NOTCH2: variants seen among roughly 807,000 people sequenced by gnomAD.
The protein encoded by NOTCH2 is neurogenic locus notch homolog protein 2.
NOTCH2 carries 29 observed loss-of-function variants against 235.8 expected under a neutral mutation model. The ratio of observed to expected loss-of-function variants is 0.12; its 90% confidence interval spans 0.09 to 0.17. The LOEUF (loss-of-function observed/expected upper bound fraction) is 0.17. NOTCH2 is among the 10% of genes least tolerant of loss of function. The probability of loss-of-function intolerance (pLI) is 1.00; values close to 1 mark genes in which losing one functional copy is unlikely to be tolerated. For synonymous variants in NOTCH2, 1,086 were observed against 1,141.5 expected (o/e 0.95, Z 0.98); for missense variants, 2,285 against 3,150.2 (o/e 0.73, Z 6.57).
intron 22 of NOTCH2, among the ~76,000 whole-genome samples, chr1:119,931,101 TTAAA>T (rs1255912306): frequency 1.4e-5 from 2 of 138,296 alleles, no homozygotes; most frequent in Non-Finnish European, 3.0e-5. Flanking sequence ...AGACTCTGTC[TTAAA>T]AAAAAAAAAA....
At chr1:119,925,233 AG>A (rs1649434358) in intron 25 of NOTCH2, 71 bp downstream of exon 25, 1 of 1,593,272 alleles carries the variant, frequency 6.3e-7, no homozygotes, top group African/African-American at 1.3e-5. Flanking sequence ...TGGAGTGGTT[AG>A]GAGCAAGAAC....
intron 5 of NOTCH2, among the ~76,000 whole-genome samples, chr1:119,970,570 G>C (rs898958057): frequency 3.3e-5 from 5 of 152,198 alleles, no homozygotes; most frequent in Non-Finnish European, 7.3e-5. Flanking sequence ...ACTAAAGGAA[G>C]CTAAACATGA....
chr1:120,069,045 C>A (rs782706254), intron 1 of NOTCH2: 12 of 1,439,020 alleles, frequency 8.3e-6, no homozygotes, highest in South Asian at 6.2e-5. Context: ...CCTGGCACTA[C>A]GAAAAAGGAG....
At chr1:119,997,957 C>T (rs1553204510) in intron 3 of NOTCH2, among the ~76,000 whole-genome samples, 1 of 142,464 alleles carries the variant, frequency 7.0e-6, no homozygotes, top group Non-Finnish European at 1.5e-5. Context: ...CTGGGCGACA[C>T]AGCAAGACTC....
At position 119,941,740 on chromosome 1, in the gene NOTCH2, C is replaced by T. The variant is rs2101105907; in HGVS notation, c.2767G>A (p.Gly923Arg). Residue 923 changes from glycine to arginine, a missense_variant, in exon 18 of 34, where the codon GGA becomes AGA. Coordinates refer to ENST00000256646, the MANE Select transcript of NOTCH2 (RefSeq NM_024408.4). ...TTCACTCCATCCATACAGGAACCTC[C>T]ATTCTGGCAAGGATCTAAGCCATTA... ...DDCLANPCQN[G>R]GSCMDGVNTF... The T allele has an allele frequency of 1.2e-6, 2 of 1,613,748 alleles. No homozygotes were observed. Among genetic ancestry groups the T allele is most frequent in the Non-Finnish European group, 1.7e-6 (2 of 1,179,672 alleles).
chr1:119,916,738 T>A (rs1372526216), intron 33 of NOTCH2, 44 bp from the exon 34 acceptor site: 1 of 1,593,190 alleles, frequency 6.3e-7, no homozygotes, highest in African/African-American at 1.3e-5. Context: ...ATAACACTCT[T>A]GAGAATATAG....
At chr1:119,980,372 C>T (rs1209328729) in intron 5 of NOTCH2, among the ~76,000 whole-genome samples, 1 of 152,174 alleles carries the variant, frequency 6.6e-6, no homozygotes, top group African/African-American at 2.4e-5. Flanking sequence ...CTTTGAGCTG[C>T]CTTACTCTTA....
chr1:119,928,920 G>T, intron 23 of NOTCH2, 56 bp downstream of exon 23: 1 of 1,465,966 alleles, frequency 6.8e-7, no homozygotes, highest in Non-Finnish European at 9.6e-7. Flanking sequence ...GGCCCAATTT[G>T]TTCACTAAAA....
intron 11 of NOTCH2, among the ~76,000 whole-genome samples, chr1:119,963,063 A>C (rs1650997823): frequency 6.6e-6 from 1 of 152,178 alleles, no homozygotes; most frequent in Non-Finnish European, 1.5e-5. Context: ...GAATCCCCCA[A>C]GATGGCTAAG....
At chr1:119,941,905 T>C (rs1650077757) in intron 17 of NOTCH2, 151 bp from the exon 18 acceptor site, 2 of 670,248 alleles carry the variant, frequency 3.0e-6, no homozygotes, top group African/African-American at 3.6e-5. Context: ...TTTATGAAAA[T>C]GAATTCAATA....
intron 5 of NOTCH2, among the ~76,000 whole-genome samples, chr1:119,983,169 T>C (rs587625240): frequency 6.6e-6 from 1 of 152,232 alleles, no homozygotes; most frequent in East Asian, 1.9e-4. Context: ...TAAACATTAT[T>C]AAAAAGATAT....
At chr1:119,967,798 T>G (rs1350976678) in intron 7 of NOTCH2, among the ~76,000 whole-genome samples, 177 bp from the exon 8 acceptor site, 3 of 152,212 alleles carry the variant, frequency 2.0e-5, no homozygotes, top group South Asian at 4.1e-4. Flanking sequence ...TATCCTCAAC[T>G]GTTATGCATT....
intron 1 of NOTCH2, among the ~76,000 whole-genome samples, chr1:120,043,663 C>A (rs1325179904): frequency 4.7e-5 from 7 of 148,828 alleles, no homozygotes; most frequent in African/African-American, 1.5e-4. Flanking sequence ...AAAACAAAAC[C>A]AGGACTTGCT....
intron 2 of NOTCH2, among the ~76,000 whole-genome samples, chr1:120,028,031 AG>A (rs1653936177): frequency 8.7e-6 from 1 of 115,022 alleles, no homozygotes; most frequent in South Asian, 3.5e-4. Context: ...TTCTGGTTCT[AG>A]ATCCTTGAGG....
intron 1 of NOTCH2, among the ~76,000 whole-genome samples, chr1:120,033,078 T>C (rs1654159059): frequency 6.6e-6 from 1 of 151,230 alleles, no homozygotes; most frequent in African/African-American, 2.4e-5. Flanking sequence ...ATGATGTCTG[T>C]ACACCCATAC....
At chr1:119,982,863 G>T (rs764512646) in intron 5 of NOTCH2, among the ~76,000 whole-genome samples, 6 of 152,206 alleles carry the variant, frequency 3.9e-5, no homozygotes, top group Non-Finnish European at 8.8e-5. Flanking sequence ...GCCTGTAGTG[G>T]GGTATATAAC....
At chr1:119,951,917 A>T (rs1650490093) in intron 14 of NOTCH2, among the ~76,000 whole-genome samples, 1 of 152,274 alleles carries the variant, frequency 6.6e-6, no homozygotes, top group African/African-American at 2.4e-5. Context: ...AAGAAATAAA[A>T]GTGTTTTGAA....
intron 5 of NOTCH2, among the ~76,000 whole-genome samples, chr1:119,978,533 A>C (rs782226604): frequency 3.3e-5 from 5 of 152,202 alleles, no homozygotes; most frequent in South Asian, 2.1e-4. Flanking sequence ...CCACTATAGC[A>C]ATGAGAAATA....
intron 4 of NOTCH2, chr1:119,996,701 G>C (rs782705675): frequency 8.5e-7 from 1 of 1,183,082 alleles, no homozygotes. Context: ...TTCCAGACTT[G>C]CCTGTCCCTT....
Sources: gnomAD v4.1 joint callset for allele counts (sites outside exome capture counted in the v4.1 genomes callset) on GRCh38, gnomAD v4.1.1 for gene constraint, MANE v1.5 for transcripts, NCBI Gene and HGNC (gene_info 2026-07-23, HGNC 2026-07-21) for gene names.